PRR5: variants seen among roughly 807,000 people sequenced by gnomAD.
PRR5 encodes proline-rich protein 5.
A neutral mutation model predicts 30.6 loss-of-function variants in PRR5; 25 were observed. The ratio of observed to expected loss-of-function variants is 0.82; its 90% CI spans 0.60 to 1.14. PRR5 has a LOEUF of 1.14. PRR5 is among the 50% of genes most tolerant of loss of function. The probability of loss-of-function intolerance (pLI) is 0.00; values close to 1 mark genes in which losing one functional copy is unlikely to be tolerated. For missense variants in PRR5, 600 were observed against 547.1 expected (o/e 1.10, Z -0.96); for synonymous variants, 286 against 247.1 (o/e 1.16, Z -1.48).
intron 1 of PRR5, among the ~76,000 whole-genome samples, chr22:44,712,700 G>C (rs1407663489): frequency 6.6e-6 from 1 of 152,212 alleles, no homozygotes; most frequent in Admixed American, 6.5e-5. Context: ...CTGCTTTGTG[G>C]TGTGGGCAGC....
chr22:44,670,880 G>C (rs1183724476), intron 1 of PRR5, among the ~76,000 whole-genome samples: 3 of 152,130 alleles, frequency 2.0e-5, no homozygotes, highest in Non-Finnish European at 2.9e-5. Context: ...TCTGGGTGCC[G>C]CAAGTTGTGG....
intron 6 of PRR5, 25 bp from the exon 7 acceptor site, chr22:44,735,001 CT>C (rs913784519): frequency 1.1e-5 from 17 of 1,588,200 alleles, no homozygotes; most frequent in Admixed American, 1.7e-5. Context: ...GCATGACCCC[CT>C]ACCCCCTGCC....
At chr22:44,712,869 C>T (rs751404896) in intron 1 of PRR5, among the ~76,000 whole-genome samples, 23 of 152,104 alleles carry the variant, frequency 1.5e-4, no homozygotes, top group Non-Finnish European at 2.9e-4. Context: ...CACTCATGAC[C>T]AGGAAAGTGA....
At position 44,693,795 on chromosome 22, in the gene PRR5, A is replaced by ATT. The variant is rs61604082; in HGVS notation, c.-10-8678_-10-8677dup. On this transcript the variant is annotated intron_variant, in intron 1 of 8. Transcript: ENST00000006251. ...CAGGCGCCTGCCACCACACTCGGCTATTTTTTTTTTTTTTTTTTTTGTATT... is the reference window on the plus strand; with the variant it reads ...CAGGCGCCTGCCACCACACTCGGCTATTTTTTTTTTTTTTTTTTTTTTGTATT... Among the ~76,000 whole-genome samples the ATT allele has an allele frequency of 2.0e-3, 159 of 79,616 alleles. 7 individuals are homozygous for ATT. The highest frequency in any genetic ancestry group is 7.5e-3 in the African/African-American group (138 of 18,502). The allele number at this position is 79,616 out of a possible 152,430, so 52.2% of individuals were successfully genotyped here.
intron 1 of PRR5, among the ~76,000 whole-genome samples, chr22:44,707,497 C>T (rs926573357): frequency 5.3e-5 from 8 of 152,216 alleles, no homozygotes; most frequent in Admixed American, 5.2e-4. Flanking sequence ...GTGCTTGTGC[C>T]CTAGGCCTGG....
chr22:44,711,067 G>A (rs1928147433), intron 1 of PRR5, among the ~76,000 whole-genome samples: 2 of 152,078 alleles, frequency 1.3e-5, no homozygotes, highest in Admixed American at 1.3e-4. Flanking sequence ...GGGGTGGGGA[G>A]TGTGGGTGGG....
At chr22:44,693,795 A>AATTTT (rs1925502729) in intron 1 of PRR5, among the ~76,000 whole-genome samples, 1 of 79,644 alleles carries the variant, frequency 1.3e-5, no homozygotes, top group Non-Finnish European at 2.2e-5. Context: ...ACACTCGGCT[A>AATTTT]TTTTTTTTTT....
upstream of PRR5, among the ~76,000 whole-genome samples, chr22:44,698,500 C>T (rs1432349871): frequency 6.6e-6 from 1 of 152,150 alleles, no homozygotes; most frequent in Admixed American, 6.5e-5. Flanking sequence ...CTTCCCTGGT[C>T]TCAGACACAA....
chr22:44,726,532 G>C (rs574898442), intron 3 of PRR5, 45 bp from the exon 4 acceptor site: 2 of 1,613,220 alleles, frequency 1.2e-6, no homozygotes, highest in African/African-American at 1.3e-5. Context: ...GGACACCCCC[G>C]GGCATCCACA....
intron 2 of PRR5, among the ~76,000 whole-genome samples, chr22:44,718,029 CT>C (rs1333453461): frequency 2.0e-5 from 3 of 151,982 alleles, no homozygotes; most frequent in African/African-American, 4.8e-5. Context: ...TGCTTCGCTT[CT>C]TTTCATGCCA....
At chr22:44,673,153 G>A (rs1923521660), upstream of PRR5, among the ~76,000 whole-genome samples, 1 of 152,216 alleles carries the variant, frequency 6.6e-6, no homozygotes, top group South Asian at 2.1e-4. Flanking sequence ...GAGAATCCAG[G>A]CCAGAGACAT....
intron 7 of PRR5, among the ~76,000 whole-genome samples, chr22:44,735,698 C>G (rs374968964): frequency 1.3e-5 from 2 of 152,202 alleles, no homozygotes; most frequent in African/African-American, 2.4e-5. Context: ...CCCTTCCCCT[C>G]CCGCGGGGGA....
At chr22:44,721,765 G>C (rs1360327339) in intron 2 of PRR5, among the ~76,000 whole-genome samples, 1 of 152,212 alleles carries the variant, frequency 6.6e-6, no homozygotes, top group East Asian at 1.9e-4. Context: ...CCAGACAGGG[G>C]AGGGGTCTCG....
intron 4 of PRR5, chr22:44,729,418 T>C (rs754407049): frequency 8.9e-5 from 88 of 984,818 alleles, no homozygotes; most frequent in Non-Finnish European, 1.0e-4. Flanking sequence ...GAGCCAAGGC[T>C]ACTGCGGGGC....
intron 4 of PRR5, chr22:44,729,786 C>T (rs903044920): frequency 1.0e-5 from 10 of 985,382 alleles, no homozygotes; most frequent in African/African-American, 1.7e-5. Context: ...ATCTGCTTTC[C>T]GCAGCATTTC....
intron 2 of PRR5, among the ~76,000 whole-genome samples, chr22:44,718,219 G>C (rs578182941): frequency 1.7e-5 from 1 of 60,444 alleles, no homozygotes; most frequent in African/African-American, 7.1e-5. Context: ...TTTTGAGACT[G>C]AGTCTTCATC....
In PRR5 at chr22:44,735,169, G is replaced by C. The variant is rs1270536508; in HGVS notation, c.691+7G>C. The C allele has an allele frequency of 6.8e-6, 11 of 1,611,364 alleles. No individual in the cohort carries two copies. Among genetic ancestry groups the C allele is most frequent in the Non-Finnish European group, 9.3e-6 (11 of 1,179,286 alleles). On this transcript the variant is annotated splice_region_variant and intron_variant, in intron 7 of 7. Transcript: ENST00000336985. ...ACCCATTCCTGCATCCTGGGTAGGG[G>C]TCCGCCTGGGCCTTGGGCTGGGGCA... is the stretch of plus-strand genomic sequence containing the variant.
At chr22:44,703,055 C>G (rs937300255) in intron 1 of PRR5, among the ~76,000 whole-genome samples, 1 of 152,186 alleles carries the variant, frequency 6.6e-6, no homozygotes, top group Admixed American at 6.5e-5. Context: ...CTTTAAGCTC[C>G]CTTCGGCTTT....
At chr22:44,697,261 C>T (rs144406564), upstream of PRR5, among the ~76,000 whole-genome samples, 218 of 152,334 alleles carry the variant, frequency 1.4e-3, no homozygotes, top group African/African-American at 4.6e-3. Context: ...GCTCCCCCAG[C>T]GTGGTGGCCC....
Sources: allele counts gnomAD v4.1 joint callset (sites outside exome capture counted in the v4.1 genomes callset), GRCh38; gene constraint gnomAD v4.1.1; transcripts MANE v1.5; gene names NCBI Gene and HGNC (gene_info 2026-07-23, HGNC 2026-07-21).